The following EXOC4 variants were observed in gnomAD, a reference collection of about 807,000 sequenced individuals.
EXOC4 encodes exocyst complex component 4.
In EXOC4, 71 loss-of-function variants were observed where a neutral mutation model predicts 107.2. The ratio of observed to expected loss-of-function variants is 0.66; its 90% CI spans 0.55 to 0.81. The LOEUF (loss-of-function observed/expected upper bound fraction) is 0.81. Among genes scored for constraint, EXOC4 ranks in the 30% least tolerant of loss-of-function variants. The pLI is 0.00. For missense variants in EXOC4, 1,108 were observed against 1,189.6 expected (o/e 0.93, Z 1.01); for synonymous variants, 456 against 441.2 (o/e 1.03, Z -0.42).
chr7:133,649,467 C>CT (rs61225754), intron 10 of EXOC4, among the ~76,000 whole-genome samples: 39,713 of 85,080 alleles, frequency 0.47, 7,187 homozygotes, highest in African/African-American at 0.58. Flanking sequence ...ACTACTTTTT[C>CT]TTTTTTTTTT....
chr7:133,375,072 A>G, intron 7 of EXOC4, 70 bp downstream of exon 7: 1 of 1,264,186 alleles, frequency 7.9e-7, no homozygotes, highest in Non-Finnish European at 1.1e-6. Context: ...AACAACAGCA[A>G]CAACAAGCCA....
chr7:133,371,064 A>G (rs1315489524), intron 6 of EXOC4, among the ~76,000 whole-genome samples: 1 of 152,186 alleles, frequency 6.6e-6, no homozygotes, highest in Non-Finnish European at 1.5e-5. Context: ...TAAAAGAGAA[A>G]AGTTGATGTC....
intron 2 of EXOC4, among the ~76,000 whole-genome samples, chr7:133,282,196 C>T (rs886786957): frequency 3.3e-5 from 5 of 152,186 alleles, no homozygotes; most frequent in African/African-American, 1.2e-4. Flanking sequence ...TTCAACTTCT[C>T]TGCCGTCTGT....
intron 2 of EXOC4, among the ~76,000 whole-genome samples, chr7:133,281,527 A>G (rs1395790347): frequency 2.0e-5 from 3 of 151,914 alleles, no homozygotes; most frequent in African/African-American, 7.2e-5. Flanking sequence ...ATGTCGACAC[A>G]TTAATTTTCA....
chr7:133,454,644 A>G (rs1245347304), intron 7 of EXOC4, among the ~76,000 whole-genome samples: 1 of 152,192 alleles, frequency 6.6e-6, no homozygotes, highest in Non-Finnish European at 1.5e-5. Flanking sequence ...TGTTAGGCCA[A>G]AGTTTATGAA....
At chr7:134,044,413 A>G (rs1795595844) in intron 17 of EXOC4, among the ~76,000 whole-genome samples, 1 of 152,222 alleles carries the variant, frequency 6.6e-6, no homozygotes, top group South Asian at 2.1e-4. Context: ...CGTCTTCTGC[A>G]GGATTTGTAA....
chr7:133,666,543 G>C (rs893397320), intron 10 of EXOC4, among the ~76,000 whole-genome samples: 1 of 152,060 alleles, frequency 6.6e-6, no homozygotes, highest in Non-Finnish European at 1.5e-5. Context: ...TATGCTAATG[G>C]GGATGGAAAC....
intron 9 of EXOC4, among the ~76,000 whole-genome samples, chr7:133,546,253 CTTTTTTTT>C: frequency 8.4e-6 from 1 of 119,314 alleles, no homozygotes; most frequent in Non-Finnish European, 1.7e-5. Context: ...AGCTGGAAAA[CTTTTTTTT>C]TTTTTTTTTT....
rs779537433 is a variant in EXOC4 at position 133,917,985 on chromosome 7, C to CT, written c.2027+262dup. ...ACATTGCTAAATTGGATTAAAATAT[C>CT]TTTTTTTTTTTTTTTGAGACAGAGT... On this transcript the variant is annotated intron_variant, in intron 13 of 17. Coordinates refer to ENST00000253861, the MANE Select transcript of EXOC4 (RefSeq NM_021807.4). 7.5e-3 allele frequency among the ~76,000 whole-genome samples: 1,067 copies of CT among 142,036 alleles called. 10 individuals are homozygous for CT. The highest frequency in any genetic ancestry group is 0.017 in the African/African-American group (661 of 38,954). The allele number at this position is 142,036 out of a possible 152,430, so 93.2% of individuals were successfully genotyped here.
At chr7:133,703,512 C>G (rs1794708487) in intron 10 of EXOC4, among the ~76,000 whole-genome samples, 1 of 152,224 alleles carries the variant, frequency 6.6e-6, no homozygotes, top group Admixed American at 6.5e-5. Flanking sequence ...TCCCGGCCAG[C>G]TTCCTTTCAG....
chr7:133,695,983 A>G (rs1365483768), intron 10 of EXOC4, among the ~76,000 whole-genome samples: 1 of 152,208 alleles, frequency 6.6e-6, no homozygotes, highest in Non-Finnish European at 1.5e-5. Flanking sequence ...AATGTTTTTC[A>G]TGTTTTAGAG....
chr7:133,521,675 A>C (rs1799981970), intron 9 of EXOC4, among the ~76,000 whole-genome samples: 1 of 151,832 alleles, frequency 6.6e-6, no homozygotes, highest in Non-Finnish European at 1.5e-5. Context: ...GCTGGAGTGC[A>C]GTGGTGCAGT....
intron 10 of EXOC4, among the ~76,000 whole-genome samples, chr7:133,760,026 A>G (rs1018794160): frequency 6.6e-6 from 1 of 152,190 alleles, no homozygotes; most frequent in African/African-American, 2.4e-5. Flanking sequence ...AAATGGCGTA[A>G]TGAGTGAAAA....
At chr7:133,782,613 A>G (rs965605388) in intron 10 of EXOC4, among the ~76,000 whole-genome samples, 1 of 152,198 alleles carries the variant, frequency 6.6e-6, no homozygotes. Flanking sequence ...CTTCACATTC[A>G]TTCATAGTAG....
At chr7:133,484,046 G>A (rs778755799) in intron 9 of EXOC4, 14 of 1,613,742 alleles carry the variant, frequency 8.7e-6, no homozygotes, top group South Asian at 5.5e-5. Context: ...GCAGGGTAGC[G>A]GCGAAGAAAT....
chr7:134,012,182 A>G (rs1009530442), intron 17 of EXOC4, among the ~76,000 whole-genome samples: 1 of 152,208 alleles, frequency 6.6e-6, no homozygotes, highest in Non-Finnish European at 1.5e-5. Flanking sequence ...TTGGAGCAGA[A>G]GAGTGCTACA....
At chr7:133,971,405 G>GAGAA (rs1275731719) in intron 14 of EXOC4, among the ~76,000 whole-genome samples, 3 of 139,442 alleles carry the variant, frequency 2.2e-5, no homozygotes, top group Admixed American at 1.5e-4. Flanking sequence ...GAGAGAGAAA[G>GAGAA]AGAGAGAGAA....
intron 10 of EXOC4, among the ~76,000 whole-genome samples, chr7:133,790,375 A>T (rs1379803605): frequency 1.3e-5 from 2 of 152,206 alleles, no homozygotes; most frequent in African/African-American, 4.8e-5. Flanking sequence ...GGGCACTTAC[A>T]TGTTGCTAAG....
At chr7:133,937,050 C>T (rs2116725010) in intron 13 of EXOC4, among the ~76,000 whole-genome samples, 1 of 152,296 alleles carries the variant, frequency 6.6e-6, no homozygotes, top group South Asian at 2.1e-4. Context: ...AGCTTTGCCA[C>T]TCATGTGTCA....
Sources: gnomAD v4.1 joint callset for allele counts (sites outside exome capture counted in the v4.1 genomes callset) on GRCh38, gnomAD v4.1.1 for gene constraint, MANE v1.5 for transcripts, NCBI Gene and HGNC (gene_info 2026-07-23, HGNC 2026-07-21) for gene names.